RRBP1: variants seen among roughly 807,000 people sequenced by gnomAD.
RRBP1 encodes ribosome-binding protein 1.
In RRBP1, 94 loss-of-function variants were observed where a neutral mutation model predicts 165.2. The ratio of observed to expected loss-of-function variants is 0.57; its 90% CI spans 0.48 to 0.68. The LOEUF (loss-of-function observed/expected upper bound fraction) is 0.68, where lower values mean the gene tolerates loss of function less well. Among genes scored for constraint, RRBP1 ranks in the 30% least tolerant of loss-of-function variants. The pLI, the probability that RRBP1 is intolerant of heterozygous loss-of-function variation, is 0.00. For missense variants in RRBP1, 1,676 were observed against 1,763.0 expected (o/e 0.95, Z 0.88); for synonymous variants, 680 against 714.5 (o/e 0.95, Z 0.77).
At chr20:17,681,875 G>A (rs2122535005) in intron 1 of RRBP1, among the ~76,000 whole-genome samples, 153 bp downstream of exon 1, 1 of 141,434 alleles carries the variant, frequency 7.1e-6, no homozygotes, top group East Asian at 2.0e-4. Context: ...GACCCCGATG[G>A]TGCACGGCCG....
At position 17,621,954 on chromosome 20, in the gene RRBP1, G is replaced by T. The variant is rs757368681; in HGVS notation, c.3148-7C>A. The T allele has an allele frequency of 6.2e-7, 1 of 1,601,382 alleles. No homozygotes were observed. The highest frequency in any genetic ancestry group is 8.5e-7 in the Non-Finnish European group (1 of 1,169,652). On this transcript the variant is annotated splice_region_variant and splice_polypyrimidine_tract_variant and intron_variant, in intron 13 of 24. Transcript: ENST00000377813. Reference sequence around the variant, plus strand: ...GCTGCTTCTCCGATTCCTCCTGGGGGGTGGGTGGGGAAGAGCGGAAGGTGT... The same window carrying T: ...GCTGCTTCTCCGATTCCTCCTGGGGTGTGGGTGGGGAAGAGCGGAAGGTGT...
At chr20:17,678,980 C>T (rs981934317) in intron 2 of RRBP1, among the ~76,000 whole-genome samples, 2 of 152,196 alleles carry the variant, frequency 1.3e-5, no homozygotes, top group Non-Finnish European at 2.9e-5. Context: ...TTGATCTTCA[C>T]GTTCTGTGTC....
chr20:17,664,320 G>A (rs2036826867), intron 2 of RRBP1, among the ~76,000 whole-genome samples: 1 of 152,156 alleles, frequency 6.6e-6, no homozygotes, highest in Non-Finnish European at 1.5e-5. Flanking sequence ...TACTCAGAAT[G>A]GCATGCAACT....
intron 5 of RRBP1, 114 bp downstream of exon 5, chr20:17,641,683 G>T: frequency 1.5e-6 from 2 of 1,310,814 alleles, no homozygotes; most frequent in Admixed American, 1.7e-5. Context: ...CTGACAGCCA[G>T]CTACGTTCCA....
At position 17,659,421 on chromosome 20, in the gene RRBP1, C is replaced by T. The variant is rs1166638370; in HGVS notation, c.1087G>A (p.Glu363Lys). 9 of 1,521,740 alleles carry T rather than the reference C, an allele frequency of 5.9e-6. No homozygotes were observed. The highest frequency in any genetic ancestry group is 5.3e-5 in the East Asian group (2 of 37,712). 94.3% of individuals were successfully genotyped at this position (1,521,740 alleles called of 1,614,324 possible). A position where few individuals can be genotyped will look rare whatever the true frequency, so the allele number is the denominator to read the frequency against. ...EGAQNQGKKA[E>K]GAQNQGKKAE... Reference sequence around the variant, plus strand: ...TTCTTGCCCTGATTCTGGGCCCCCTCGGCCTTCTTGCCCTGATTCTGGGCC... The same window carrying T: ...TTCTTGCCCTGATTCTGGGCCCCCTTGGCCTTCTTGCCCTGATTCTGGGCC... The change falls in exon 3 of 25, where the codon GAG becomes AAG. Residue 363 changes from glutamate to lysine, a missense_variant. Coordinates refer to ENST00000377813, the MANE Select transcript of RRBP1 (RefSeq NM_001365613.2).
At chr20:17,671,577 C>T (rs991271994) in intron 2 of RRBP1, among the ~76,000 whole-genome samples, 4 of 152,202 alleles carry the variant, frequency 2.6e-5, no homozygotes, top group African/African-American at 9.7e-5. Flanking sequence ...CCTCCCTACC[C>T]TGCCTGTAGG....
intron 3 of RRBP1, among the ~76,000 whole-genome samples, chr20:17,647,562 C>T (rs2036486235): frequency 6.6e-6 from 1 of 152,204 alleles, no homozygotes; most frequent in Non-Finnish European, 1.5e-5. Context: ...CTGGCCTGGA[C>T]CCTGGTCCTA....
rs1296966332 is a variant in RRBP1 at position 17,614,731 on chromosome 20, A to ACGCACTG, written c.4193_4194+5dup. 1 of 1,611,056 alleles carries ACGCACTG rather than the reference A, an allele frequency of 6.2e-7. No homozygotes were observed. The highest frequency in any genetic ancestry group is 8.5e-7 in the Non-Finnish European group (1 of 1,179,964). ...CTCCCGCCCTGCTTTGGCGCCAGGC[A>ACGCACTG]CGCACTGCCTTTTCCAGCTGTTCCT... On this transcript the variant is annotated splice_donor_region_variant and intron_variant, in intron 24 of 24. Coordinates refer to ENST00000377813, the MANE Select transcript of RRBP1 (RefSeq NM_001365613.2).
intron 2 of RRBP1, among the ~76,000 whole-genome samples, chr20:17,674,726 C>A (rs1288343256): frequency 6.6e-6 from 1 of 152,090 alleles, no homozygotes; most frequent in East Asian, 1.9e-4. Flanking sequence ...CCACTGCACT[C>A]CAGCCTGGGA....
At chr20:17,680,616 G>A (rs1315237230) in intron 1 of RRBP1, among the ~76,000 whole-genome samples, 1 of 152,094 alleles carries the variant, frequency 6.6e-6, no homozygotes, top group South Asian at 2.1e-4. Context: ...TCCCGACCCT[G>A]TGAGTGGGTG....
chr20:17,621,540 G>A lies in RRBP1; in HGVS notation c.3332C>T (p.Ala1111Val). ...CTCCTCGGCCTCCCTCAACTTGGAG[G>A]CCAGGTCCTGAGAGAGGGAAGAACA... ...PAPAEPSSDL[A>V]SKLREAEETQ... Residue 1111 changes from alanine (A) to valine (V), a missense_variant, in exon 16 of 25, where the codon GCC (alanine) becomes GTC (valine). By Grantham distance (64) the Ala-to-Val change is moderately conservative. Coordinates refer to ENST00000377813, the MANE Select transcript of RRBP1 (RefSeq NM_001365613.2). 1.9e-6 allele frequency: 3 copies of A among 1,612,232 alleles called. No individual in the cohort carries two copies. Among genetic ancestry groups the A allele is most frequent in the Non-Finnish European group, 2.5e-6 (3 of 1,179,414 alleles).
Position 17,614,992 on chromosome 20 carries a change from A to C in RRBP1, c.4051-112T>G, listed in dbSNP as rs552882351. The C allele has an allele frequency of 1.8e-5, 22 of 1,217,310 alleles. No homozygotes were observed. The Admixed American group carries it at 3.1e-4, about 17-fold the overall frequency. 75.4% of individuals were successfully genotyped at this position (1,217,310 alleles called of 1,614,324 possible). A position where few individuals can be genotyped will look rare whatever the true frequency, so the allele number is the denominator to read the frequency against. On this transcript the variant is annotated intron_variant, in intron 23 of 24. Transcript: ENST00000377813. ...GCTGGAGCCCTCTGGGGACACAAGG[A>C]AGGCAACTCCTGGTCACCCGGAGAT...
chr20:17,640,466 G>C (rs1045790619), intron 5 of RRBP1, among the ~76,000 whole-genome samples: 3 of 152,188 alleles, frequency 2.0e-5, no homozygotes, highest in South Asian at 4.1e-4. Flanking sequence ...GGCCTGGGGG[G>C]CAGACTTAGG....
Position 17,621,558 on chromosome 20 carries a change from G to C in RRBP1, c.3325-11C>G, listed in dbSNP as rs370382030. ...CTTGGAGGCCAGGTCCTGAGAGAGGGAAGAACAGGTGTTTAGTTAGCCACA... is the reference window on the plus strand; with the variant it reads ...CTTGGAGGCCAGGTCCTGAGAGAGGCAAGAACAGGTGTTTAGTTAGCCACA... On this transcript the variant is annotated splice_polypyrimidine_tract_variant and intron_variant, in intron 15 of 24. Transcript: ENST00000377813. The C allele has an allele frequency of 6.8e-6, 11 of 1,609,246 alleles. No homozygotes were observed. The highest frequency in any genetic ancestry group is 1.7e-6 in the Non-Finnish European group (2 of 1,177,030).
chr20:17,628,546 C>T (rs1180674989), intron 9 of RRBP1, among the ~76,000 whole-genome samples: 2 of 152,206 alleles, frequency 1.3e-5, no homozygotes, highest in African/African-American at 2.4e-5. Context: ...GCACATGAGA[C>T]GACTTCATCT....
intron 6 of RRBP1, 35 bp downstream of exon 6, chr20:17,636,542 T>C: frequency 1.9e-6 from 3 of 1,602,902 alleles, no homozygotes; most frequent in Non-Finnish European, 2.5e-6. Flanking sequence ...CTGGGTCCTG[T>C]CCCTTCCCAT....
intron 8 of RRBP1, among the ~76,000 whole-genome samples, chr20:17,633,228 C>A (rs1250335857): frequency 6.6e-6 from 1 of 152,214 alleles, no homozygotes; most frequent in Non-Finnish European, 1.5e-5. Context: ...TGAAAATGCT[C>A]AGAACAGTGC....
intron 3 of RRBP1, among the ~76,000 whole-genome samples, chr20:17,654,142 A>C (rs1342019646): frequency 6.6e-6 from 1 of 152,184 alleles, no homozygotes; most frequent in East Asian, 1.9e-4. Flanking sequence ...CGTCCACGTA[A>C]CATAGACTCG....
At chr20:17,664,085 G>A (rs2036821417) in intron 2 of RRBP1, among the ~76,000 whole-genome samples, 1 of 152,054 alleles carries the variant, frequency 6.6e-6, no homozygotes, top group African/African-American at 2.4e-5. Context: ...GCCACAGTAC[G>A]AGATTAACAA....
Sources: gnomAD v4.1 joint callset for allele counts (sites outside exome capture counted in the v4.1 genomes callset) on GRCh38, gnomAD v4.1.1 for gene constraint, MANE v1.5 for transcripts, NCBI Gene and HGNC (gene_info 2026-07-23, HGNC 2026-07-21) for gene names.